TKFC: variants seen among roughly 807,000 people sequenced by gnomAD.
TKFC encodes triokinase and FMN cyclase.
In TKFC, 46 loss-of-function variants were observed where a neutral mutation model predicts 61.0. The observed-to-expected ratio is 0.75, with a 90% CI of 0.60 to 0.96. TKFC has a LOEUF of 0.96. Ranked by LOEUF, TKFC falls within the 50% of genes least tolerant of loss-of-function variation. The pLI, the probability that TKFC is intolerant of heterozygous loss-of-function variation, is 0.00. For missense variants in TKFC, 715 were observed against 777.5 expected, an observed-to-expected ratio of 0.92 and a Z score of 0.96; for synonymous variants, 314 against 330.1, an observed-to-expected ratio of 0.95 and a Z score of 0.53.
intron 3 of TKFC, among the ~76,000 whole-genome samples, chr11:61,338,690 T>C (rs1856718611): frequency 6.6e-6 from 1 of 152,206 alleles, no homozygotes; most frequent in Non-Finnish European, 1.5e-5. Flanking sequence ...GCACTAGGGA[T>C]ACCAGACAGG....
rs901071028 is a variant in TKFC, at chr11:61,348,155, G to A, written c.*1652G>A. The A allele has an allele frequency of 4.1e-6, 4 of 985,358 alleles. No individual in the cohort carries two copies. The Admixed American group carries it at 1.8e-4, about 45-fold the overall frequency. 61.0% of individuals were successfully genotyped at this position (985,358 alleles called of 1,614,324 possible). ...CTGGGAAGGAGGCTGACCTCAGACG[G>A]TGGCCTGTGGATCCCAGCTCTGTCA... On this transcript the variant is annotated 3_prime_UTR_variant, in exon 18 of 18. Transcript: ENST00000394900.
chr11:61,336,315 G>C (rs1379692301), intron 2 of TKFC: 1 of 154,468 alleles, frequency 6.5e-6, no homozygotes, highest in Non-Finnish European at 1.5e-5. Flanking sequence ...GTGCTAGCAA[G>C]CTCAGGAAGA....
downstream of TKFC, chr11:61,350,094 A>AAAGCAGACAGGCAGC (rs1857326314): frequency 1.8e-6 from 1 of 558,044 alleles, no homozygotes; most frequent in East Asian, 3.0e-5. Flanking sequence ...GCCACCAAGG[A>AAAGCAGACAGGCAGC]AAGCAGACAG....
At chr11:61,349,548 G>A (rs780247040), downstream of TKFC, 20 of 702,868 alleles carry the variant, frequency 2.8e-5, no homozygotes, top group South Asian at 3.0e-4. Context: ...CTGTTCTTGG[G>A]AGAGCAGGTC....
chr11:61,350,796 G>C (rs968687891), downstream of TKFC: 10 of 724,312 alleles, frequency 1.4e-5, no homozygotes, highest in Middle Eastern at 8.1e-4. Context: ...AGACTGGGGA[G>C]TCCCAGCATT....
In TKFC at chr11:61,347,083, G is replaced by A. The variant is rs932953369; in HGVS notation, c.*580G>A. 5.0e-5 allele frequency: 49 copies of A among 985,484 alleles called. No homozygotes were observed. In the East Asian group the frequency reaches 1.6e-3, roughly 32 times the overall value. 61.0% of individuals were successfully genotyped at this position (985,484 alleles called of 1,614,324 possible). ...CTGGGCTGCTTCCACTGAGACCCCC[G>A]ACCCATCCCCTTTCCAGTACACACA... On this transcript the variant is annotated 3_prime_UTR_variant, in exon 18 of 18. Transcript: ENST00000394900.
At chr11:61,351,284 C>CTTTTTT (rs909648792), downstream of TKFC, 64 of 293,446 alleles carry the variant, frequency 2.2e-4, no homozygotes, top group African/African-American at 1.1e-3. Flanking sequence ...AACACCCTTT[C>CTTTTTT]TTTTTTTTTT....
Position 61,347,082 on chromosome 11 carries a change from C to G in TKFC, c.*579C>G, listed in dbSNP as rs183833370. The G allele has an allele frequency of 5.1e-6, 5 of 985,722 alleles. No individual in the cohort carries two copies. The African/African-American group carries it at 8.7e-5, about 17-fold the overall frequency. The allele number at this position is 985,722 out of a possible 1,614,324, so 61.1% of individuals were successfully genotyped here. ...GCTGGGCTGCTTCCACTGAGACCCC[C>G]GACCCATCCCCTTTCCAGTACACAC... On this transcript the variant is annotated 3_prime_UTR_variant, in exon 18 of 18. Transcript: ENST00000394900.
chr11:61,337,960 A>G lies in TKFC; in HGVS notation c.23A>G (p.Asn8Ser). 6.2e-7 allele frequency: 1 copy of G among 1,608,202 alleles called. No homozygotes were observed. The highest frequency in any genetic ancestry group is 8.5e-7 in the Non-Finnish European group (1 of 1,177,756). MTSKKLVNSVAGCADDAL... is the reference protein window; with the variant it reads MTSKKLVSSVAGCADDAL... ...TTGCAGACCTCCAAGAAGCTGGTGA[A>G]CTCGGTGGCTGGCTGTGCTGATGAC... is the stretch of plus-strand genomic sequence containing the variant. The change falls in exon 3 of 18, where the codon AAC becomes AGC. Residue 8 changes from asparagine (N) to serine (S), a missense_variant. Transcript: ENST00000394900.
chr11:61,335,960 A>C (rs962706675), intron 2 of TKFC: 1 of 152,088 alleles, frequency 6.6e-6, no homozygotes, highest in African/African-American at 2.4e-5. Flanking sequence ...ACGCCCAGCT[A>C]ATTTTGTATT....
intron 6 of TKFC, 98 bp from the exon 7 acceptor site, chr11:61,341,725 G>T: frequency 1.5e-6 from 2 of 1,323,240 alleles, no homozygotes; most frequent in Middle Eastern, 1.8e-4. Context: ...AGAGAAGAGG[G>T]TACCTGTGGG....
Position 61,347,388 on chromosome 11 carries a change from C to G in TKFC, c.*885C>G. The stretch of plus-strand genomic sequence containing the variant: ...AAAACCCTGTCTCTACCAAAAAATA[C>G]AAAATTAGCCAGGCATAGTAGTGTG... On this transcript the variant is annotated 3_prime_UTR_variant, in exon 18 of 18. Transcript: ENST00000394900. The G allele has an allele frequency of 3.4e-6, 3 of 872,132 alleles. No individual in the cohort carries two copies. Among genetic ancestry groups the G allele is most frequent in the Non-Finnish European group, 4.1e-6 (3 of 726,906 alleles). 54.0% of individuals were successfully genotyped at this position (872,132 alleles called of 1,614,324 possible). A position where few individuals can be genotyped will look rare whatever the true frequency, so the allele number is the denominator to read the frequency against.
chr11:61,343,493 G>C (rs374017249), intron 11 of TKFC, 35 bp downstream of exon 11: 2 of 1,593,148 alleles, frequency 1.3e-6, no homozygotes, highest in African/African-American at 2.7e-5. Flanking sequence ...CCAAGCCAGG[G>C]CTCCTTGTAA....
chr11:61,338,065 A>C lies in TKFC; in HGVS notation c.128A>C (p.Asp43Ala). The C allele has an allele frequency of 6.2e-7, 1 of 1,611,856 alleles. No individual in the cohort carries two copies. Among genetic ancestry groups the C allele is most frequent in the Non-Finnish European group, 8.5e-7 (1 of 1,179,636 alleles). Residue 43 changes from aspartate (D) to alanine (A), a missense_variant, in exon 3 of 18, where the codon GAC (aspartate) becomes GCC (alanine). By Grantham distance (126) the Asp-to-Ala change is moderately radical. Transcript: ENST00000394900. ...CGCGTGGCCCTCCGTTCTGACCTGG[A>C]CAGCCTCAAGGGCCGGGTGGCACTG... ...GHRVALRSDL[D>A]SLKGRVALLS...
chr11:61,341,406 C>A (rs563569383), intron 5 of TKFC, 30 bp from the exon 6 acceptor site: 19 of 1,551,196 alleles, frequency 1.2e-5, no homozygotes, highest in African/African-American at 9.6e-5. Context: ...TACCCTCCCC[C>A]CTGGGGCTTT....
In TKFC at chr11:61,346,089, A is replaced by G; in HGVS notation, c.1575+143A>G. ...CAATGGAGATGAGCACCTATCTCAG[A>G]AGGTGGTTATGTGGCTAAGGAAATA... On this transcript the variant is annotated intron_variant, in intron 17 of 17. Transcript: ENST00000394900. The surrounding 1 kb of genome is among the most constrained non-coding windows in gnomAD (Gnocchi z 4.1). 1 of 1,129,474 alleles carries G rather than the reference A, an allele frequency of 8.9e-7. No homozygotes were observed. Among genetic ancestry groups the G allele is most frequent in the Non-Finnish European group, 1.2e-6 (1 of 809,626 alleles). The allele number at this position is 1,129,474 out of a possible 1,614,324, so 70.0% of individuals were successfully genotyped here. A position where few individuals can be genotyped will look rare whatever the true frequency, so the allele number is the denominator to read the frequency against.
rs768827015 is a variant in TKFC at position 61,337,961 on chromosome 11, C to T, written c.24C>T (p.Asn8=). The change falls in exon 3 of 18, where the codon AAC becomes AAT. Residue 8 remains asparagine (N), a synonymous_variant. Coordinates refer to ENST00000394900, the MANE Select transcript of TKFC (RefSeq NM_015533.4). ...TGCAGACCTCCAAGAAGCTGGTGAA[C>T]TCGGTGGCTGGCTGTGCTGATGACG... MTSKKLV[N]SVAGCADDAL... 1.3e-5 allele frequency: 21 copies of T among 1,608,998 alleles called. No individual in the cohort carries two copies. Among genetic ancestry groups the T allele is most frequent in the Non-Finnish European group, 1.7e-5 (20 of 1,178,052 alleles).
At position 61,347,479 on chromosome 11, in the gene TKFC, C is replaced by T. The variant is rs574386467; in HGVS notation, c.*976C>T. ...GCTTGGGCCCAGGAGGTCGAGGCTG[C>T]GGTGAGCCATAAGCATGCCACTATA... On this transcript the variant is annotated 3_prime_UTR_variant, in exon 18 of 18. Coordinates refer to ENST00000394900, the MANE Select transcript of TKFC (RefSeq NM_015533.4). 4.0e-4 allele frequency: 388 copies of T among 977,914 alleles called. 12 individuals carry two copies. The South Asian group carries it at 0.016, about 40-fold the overall frequency. 60.6% of individuals were successfully genotyped at this position (977,914 alleles called of 1,614,324 possible). A position where few individuals can be genotyped will look rare whatever the true frequency, so the allele number is the denominator to read the frequency against.
chr11:61,349,345 A>G (rs1434002461), downstream of TKFC: 3 of 560,750 alleles, frequency 5.3e-6, no homozygotes, highest in Non-Finnish European at 9.7e-6. Flanking sequence ...GCTGCTGCAC[A>G]CTGGACACCA....
Sources: allele counts gnomAD v4.1 joint callset (sites outside exome capture counted in the v4.1 genomes callset), GRCh38; gene constraint gnomAD v4.1.1; non-coding constraint Gnocchi (gnomAD v3.1); transcripts MANE v1.5; gene names NCBI Gene and HGNC (gene_info 2026-07-23, HGNC 2026-07-21).